ZNF804B: variants seen among roughly 807,000 people sequenced by gnomAD.
ZNF804B encodes the protein zinc finger 804B.
In ZNF804B, 80 loss-of-function variants were observed where a neutral mutation model predicts 101.4. That is an observed-to-expected ratio of 0.79 (90% confidence interval 0.66 to 0.95). The LOEUF (loss-of-function observed/expected upper bound fraction) is 0.95. ZNF804B is among the 40% of genes least tolerant of loss of function. ZNF804B has a pLI of 0.00. For synonymous variants in ZNF804B, 622 were observed against 558.8 expected, an observed-to-expected ratio of 1.11 and a Z score of -1.59; for missense variants, 1,673 against 1,561.9, an observed-to-expected ratio of 1.07 and a Z score of -1.20.
intron 1 of ZNF804B, among the ~76,000 whole-genome samples, chr7:89,134,856 T>G (rs1322202488): frequency 6.6e-6 from 1 of 152,112 alleles, no homozygotes; most frequent in Non-Finnish European, 1.5e-5. Context: ...GAGAAAATGT[T>G]TTTGAGCTAC....
chr7:89,163,464 A>G (rs1433491365), intron 1 of ZNF804B, among the ~76,000 whole-genome samples: 1 of 152,116 alleles, frequency 6.6e-6, no homozygotes, highest in Non-Finnish European at 1.5e-5. Context: ...TTCAGAACAG[A>G]TAAATTATTA....
rs557523360 is a variant in ZNF804B at position 88,803,971 on chromosome 7, A to G, written c.108+43887A>G. Among the ~76,000 whole-genome samples the G allele has an allele frequency of 3.9e-4, 60 of 152,250 alleles. No homozygotes were observed. In the South Asian group the frequency reaches 5.0e-3, roughly 13 times the overall value. ...CAAATCAGAAATAGGCAGAGAATTA[A>G]GAAAACACAGGCTTATGAAGGTCAC... On this transcript the variant is annotated intron_variant, in intron 1 of 3. Transcript: ENST00000333190.
At position 88,906,241 on chromosome 7, in the gene ZNF804B, T is replaced by C. The variant is rs113816110; in HGVS notation, c.108+146157T>C. ...TGATTTCACTGATGTTTTGTGTGAA[T>C]TTTTACATCTCAATTTTGTTCAGTT... On this transcript the variant is annotated intron_variant, in intron 1 of 3. Coordinates refer to ENST00000333190, the MANE Select transcript of ZNF804B (RefSeq NM_181646.5). Among the ~76,000 whole-genome samples the C allele has an allele frequency of 1.8e-4, 27 of 152,286 alleles. 2 individuals are homozygous for C. Among genetic ancestry groups the C allele is most frequent in the African/African-American group, 6.5e-4 (27 of 41,564 alleles).
At chr7:88,831,983 A>G (rs1371842662) in intron 1 of ZNF804B, among the ~76,000 whole-genome samples, 2 of 151,988 alleles carry the variant, frequency 1.3e-5, no homozygotes, top group East Asian at 1.9e-4. Flanking sequence ...TACACATATT[A>G]TGTATACACC....
intron 1 of ZNF804B, among the ~76,000 whole-genome samples, chr7:88,778,801 T>G (rs1363080853): frequency 6.6e-6 from 1 of 152,182 alleles, no homozygotes; most frequent in Non-Finnish European, 1.5e-5. Context: ...TGCCTAGCAT[T>G]GTACTAGCTG....
intron 1 of ZNF804B, among the ~76,000 whole-genome samples, chr7:89,036,508 G>C (rs1263816590): frequency 6.6e-6 from 1 of 151,980 alleles, no homozygotes; most frequent in African/African-American, 2.4e-5. Context: ...TTTATGATAA[G>C]GGTAAAACGG....
At chr7:88,951,460 G>C (rs975534694) in intron 1 of ZNF804B, among the ~76,000 whole-genome samples, 1 of 151,666 alleles carries the variant, frequency 6.6e-6, no homozygotes, top group Admixed American at 6.6e-5. Context: ...ACACACATGC[G>C]CGTGCGCACG....
At chr7:88,988,014 A>G (rs1170788758) in intron 1 of ZNF804B, among the ~76,000 whole-genome samples, 1 of 151,610 alleles carries the variant, frequency 6.6e-6, no homozygotes, top group East Asian at 1.9e-4. Context: ...CCATTATTCT[A>G]CTCTCTACAT....
chr7:89,181,345 G>T (rs1005812826), intron 1 of ZNF804B, among the ~76,000 whole-genome samples: 3 of 152,096 alleles, frequency 2.0e-5, no homozygotes, highest in African/African-American at 7.2e-5. Flanking sequence ...CCATGTTGAC[G>T]GGGCTAGCCA....
At chr7:89,243,908 A>AG (rs1190802773) in intron 2 of ZNF804B, among the ~76,000 whole-genome samples, 2 of 151,982 alleles carry the variant, frequency 1.3e-5, no homozygotes, top group Non-Finnish European at 2.9e-5. Flanking sequence ...AAAATGTCAG[A>AG]GCAGCTTTTA....
intron 2 of ZNF804B, among the ~76,000 whole-genome samples, chr7:89,280,474 G>A (rs948021098): frequency 1.3e-5 from 2 of 151,994 alleles, no homozygotes; most frequent in African/African-American, 4.8e-5. Context: ...CCAGGAGCTG[G>A]TTTTTTGAAA....
intron 1 of ZNF804B, among the ~76,000 whole-genome samples, chr7:88,887,278 T>A (rs193051692): frequency 6.6e-6 from 1 of 152,358 alleles, no homozygotes; most frequent in Admixed American, 6.5e-5. Context: ...CACTTTTTAA[T>A]GGGGTTGTTT....
intron 1 of ZNF804B, among the ~76,000 whole-genome samples, chr7:89,096,344 T>A (rs149651827): frequency 2.6e-5 from 4 of 152,032 alleles, no homozygotes; most frequent in Non-Finnish European, 5.9e-5. Context: ...GAGAGAAAGT[T>A]TAATAGGTAG....
intron 2 of ZNF804B, among the ~76,000 whole-genome samples, chr7:89,278,202 T>A (rs1267637386): frequency 6.8e-6 from 1 of 147,008 alleles, no homozygotes; most frequent in South Asian, 2.1e-4. Context: ...GGGTTGTTTG[T>A]TTTTTTCTTG....
At chr7:88,932,315 A>G (rs1385345078) in intron 1 of ZNF804B, among the ~76,000 whole-genome samples, 2 of 151,884 alleles carry the variant, frequency 1.3e-5, no homozygotes, top group African/African-American at 4.8e-5. Context: ...TACAGCTTAG[A>G]CAACCTAATG....
chr7:89,270,349 C>G (rs1275685550), intron 2 of ZNF804B, among the ~76,000 whole-genome samples: 1 of 152,142 alleles, frequency 6.6e-6, no homozygotes, highest in Non-Finnish European at 1.5e-5. Context: ...TTGTTTTTGT[C>G]AGGTTTGTCA....
intron 1 of ZNF804B, among the ~76,000 whole-genome samples, chr7:89,192,436 AT>A (rs1562910650): frequency 6.6e-6 from 1 of 152,032 alleles, no homozygotes; most frequent in African/African-American, 2.4e-5. Flanking sequence ...AAGAACTGAT[AT>A]GCACAAAATG....
At chr7:88,938,353 A>C (rs1793003838) in intron 1 of ZNF804B, among the ~76,000 whole-genome samples, 1 of 152,078 alleles carries the variant, frequency 6.6e-6, no homozygotes, top group African/African-American at 2.4e-5. Context: ...GGTCTGGAAG[A>C]AAAAGATCTA....
chr7:89,029,041 A>G (rs934413111), intron 1 of ZNF804B, among the ~76,000 whole-genome samples: 1 of 152,222 alleles, frequency 6.6e-6, no homozygotes, highest in African/African-American at 2.4e-5. Context: ...ACCAGCACAC[A>G]TAAGTGCTTA....
Sources: gnomAD v4.1 joint callset for allele counts (sites outside exome capture counted in the v4.1 genomes callset) on GRCh38, gnomAD v4.1.1 for gene constraint, MANE v1.5 for transcripts, NCBI Gene and HGNC (gene_info 2026-07-23, HGNC 2026-07-21) for gene names.